Variants in DAAM1 observed in about 807,000 individuals in gnomAD.
The protein encoded by DAAM1 is dishevelled associated activator of morphogenesis 1, also known as disheveled-associated activator of morphogenesis 1.
In DAAM1, 52 loss-of-function variants were observed where a neutral mutation model predicts 130.0. The ratio of observed to expected loss-of-function variants is 0.40; its 90% CI spans 0.32 to 0.50. DAAM1 has a LOEUF of 0.50. Ranked by LOEUF, DAAM1 falls within the 20% of genes least tolerant of loss-of-function variation. DAAM1 has a pLI of 0.61. For missense variants in DAAM1, 1,134 were observed against 1,303.8 expected (o/e 0.87, Z 2.01); for synonymous variants, 452 against 444.5 (o/e 1.02, Z -0.21).
chr14:59,330,388 C>T, intron 12 of DAAM1, 113 bp from the exon 13 acceptor site: 3 of 951,806 alleles, frequency 3.2e-6, no homozygotes, highest in Admixed American at 3.0e-5. Context: ...TAATATTTAC[C>T]TAATAAAGAT....
chr14:59,235,366 T>C (rs1889260454), intron 1 of DAAM1, among the ~76,000 whole-genome samples: 1 of 152,180 alleles, frequency 6.6e-6, no homozygotes, highest in African/African-American at 2.4e-5. Flanking sequence ...CCTAGTTTAG[T>C]CTTGGGAGGG....
intron 20 of DAAM1, among the ~76,000 whole-genome samples, chr14:59,358,468 G>T (rs1312630835): frequency 6.6e-6 from 1 of 152,240 alleles, no homozygotes; most frequent in East Asian, 1.9e-4. Flanking sequence ...CATGGTGGCA[G>T]TTATGGCCCA....
At chr14:59,346,858 T>G (rs1013622758) in intron 16 of DAAM1, among the ~76,000 whole-genome samples, 1 of 152,184 alleles carries the variant, frequency 6.6e-6, no homozygotes, top group African/African-American at 2.4e-5. Flanking sequence ...GAAAACAGAT[T>G]TGTATTTTTG....
intron 1 of DAAM1, among the ~76,000 whole-genome samples, chr14:59,206,479 G>A (rs1235708766): frequency 1.3e-5 from 2 of 152,068 alleles, no homozygotes; most frequent in Non-Finnish European, 2.9e-5. Flanking sequence ...GTTTTACCGT[G>A]TTAGCCAGGA....
At chr14:59,194,047 TAAAG>T (rs1887813201) in intron 1 of DAAM1, among the ~76,000 whole-genome samples, 4 of 150,552 alleles carry the variant, frequency 2.7e-5, no homozygotes, top group African/African-American at 9.7e-5. Context: ...ACAGAGAAGT[TAAAG>T]AACTTGCCTA....
chr14:59,199,432 G>A (rs954896513), intron 1 of DAAM1, among the ~76,000 whole-genome samples: 2 of 152,152 alleles, frequency 1.3e-5, no homozygotes, highest in Non-Finnish European at 2.9e-5. Flanking sequence ...GACCACCAGG[G>A]GGTCCACAGA....
chr14:59,239,135 G>A (rs1192726051), intron 1 of DAAM1, among the ~76,000 whole-genome samples: 1 of 152,154 alleles, frequency 6.6e-6, no homozygotes, highest in African/African-American at 2.4e-5. Context: ...AAAATAAAAT[G>A]ATACTGTGCA....
At chr14:59,273,514 T>G (rs776896091) in intron 2 of DAAM1, among the ~76,000 whole-genome samples, 1 of 152,210 alleles carries the variant, frequency 6.6e-6, no homozygotes, top group Admixed American at 6.5e-5. Flanking sequence ...TTGGTCCTGA[T>G]GATTTTTATT....
intron 1 of DAAM1, among the ~76,000 whole-genome samples, chr14:59,251,708 C>G (rs1221735909): frequency 2.0e-5 from 3 of 152,160 alleles, no homozygotes; most frequent in African/African-American, 7.2e-5. Flanking sequence ...TCTCTACTGC[C>G]TTATTTCTAT....
chr14:59,284,062 GGAT>G (rs1165582608), intron 2 of DAAM1, among the ~76,000 whole-genome samples: 2 of 152,006 alleles, frequency 1.3e-5, no homozygotes, highest in African/African-American at 2.4e-5. Flanking sequence ...CCTAAATGCT[GGAT>G]GATAAGTGAT....
chr14:59,226,118 G>T (rs1333414056), intron 1 of DAAM1, among the ~76,000 whole-genome samples: 1 of 151,940 alleles, frequency 6.6e-6, no homozygotes, highest in East Asian at 1.9e-4. Context: ...AGTAGTTTCA[G>T]ACTGGAACTT....
intron 1 of DAAM1, among the ~76,000 whole-genome samples, chr14:59,192,879 C>T (rs1047155704): frequency 2.6e-5 from 4 of 152,178 alleles, no homozygotes; most frequent in African/African-American, 9.7e-5. Context: ...CGGGGAAACC[C>T]CGTCTCTACT....
intron 1 of DAAM1, among the ~76,000 whole-genome samples, chr14:59,241,448 G>A (rs952031965): frequency 1.3e-5 from 2 of 152,172 alleles, no homozygotes; most frequent in African/African-American, 2.4e-5. Flanking sequence ...AATTATCTGT[G>A]TTTTTTAAAG....
At chr14:59,203,091 A>G (rs1038192946) in intron 1 of DAAM1, among the ~76,000 whole-genome samples, 2 of 150,136 alleles carry the variant, frequency 1.3e-5, no homozygotes, top group African/African-American at 4.9e-5. Flanking sequence ...TCCTGGGTTC[A>G]TGCCATTCTC....
chr14:59,196,771 AC>A (rs1186125437), intron 1 of DAAM1, among the ~76,000 whole-genome samples: 3 of 152,066 alleles, frequency 2.0e-5, no homozygotes, highest in South Asian at 2.1e-4. Context: ...AAACAAAAAA[AC>A]AAAACCCACA....
intron 1 of DAAM1, among the ~76,000 whole-genome samples, chr14:59,255,363 T>G (rs1054505277): frequency 6.6e-6 from 1 of 152,194 alleles, no homozygotes; most frequent in East Asian, 1.9e-4. Flanking sequence ...ACGTTTCTCC[T>G]ATAAGCTTTA....
At chr14:59,319,221 G>A (rs564102901) in intron 4 of DAAM1, among the ~76,000 whole-genome samples, 61 of 152,252 alleles carry the variant, frequency 4.0e-4, no homozygotes, top group African/African-American at 1.4e-3. Flanking sequence ...ACCAGCAAGA[G>A]GACAACTTTG....
chr14:59,289,492 G>T (rs1049307185), intron 2 of DAAM1, among the ~76,000 whole-genome samples: 2 of 152,104 alleles, frequency 1.3e-5, no homozygotes, highest in South Asian at 2.1e-4. Flanking sequence ...TGCTAGTGAG[G>T]TTACAGAGAA....
chr14:59,271,129 T>G (rs1882690229), intron 2 of DAAM1, among the ~76,000 whole-genome samples: 1 of 152,226 alleles, frequency 6.6e-6, no homozygotes, highest in South Asian at 2.1e-4. Flanking sequence ...CTGGTTAATC[T>G]GCCTTCTTTC....
Sources: allele counts gnomAD v4.1 joint callset (sites outside exome capture counted in the v4.1 genomes callset), GRCh38; gene constraint gnomAD v4.1.1; transcripts MANE v1.5; gene names NCBI Gene and HGNC (gene_info 2026-07-23, HGNC 2026-07-21).